UFSP2: variants seen among roughly 807,000 people sequenced by gnomAD.
The protein encoded by UFSP2 is UFM1 specific peptidase 2.
A neutral mutation model predicts 60.2 loss-of-function variants in UFSP2; 43 were observed. That is an observed-to-expected ratio of 0.71 (90% CI 0.56 to 0.92). The LOEUF is 0.92. UFSP2 is among the 40% of genes least tolerant of loss of function. UFSP2 has a pLI of 0.00. For synonymous variants in UFSP2, 183 were observed against 195.1 expected, an observed-to-expected ratio of 0.94 and a Z score of 0.52; for missense variants, 520 against 575.0, an observed-to-expected ratio of 0.90 and a Z score of 0.98.
chr4:185,415,885 A>AT lies in UFSP2; in HGVS notation c.334-19_334-18insA. ...ATTTGATGCTATATAGATAAACAGT[A>AT]ATAGTCAACTTGTAGTGCATTAAAC... On this transcript the variant is annotated intron_variant, in intron 4 of 11. Coordinates refer to ENST00000264689, the MANE Select transcript of UFSP2 (RefSeq NM_018359.5). 1 of 1,589,216 alleles carries AT rather than the reference A, an allele frequency of 6.3e-7. No homozygotes were observed. The highest frequency in any genetic ancestry group is 8.6e-7 in the Non-Finnish European group (1 of 1,165,580).
intron 9 of UFSP2, among the ~76,000 whole-genome samples, chr4:185,407,467 A>G (rs2095522544): frequency 6.6e-6 from 1 of 152,186 alleles, no homozygotes; most frequent in Non-Finnish European, 1.5e-5. Context: ...GGTTAAGATC[A>G]TTGGAAAAGA....
At chr4:185,409,973 C>T (rs1015777218) in intron 7 of UFSP2, among the ~76,000 whole-genome samples, 2 of 151,792 alleles carry the variant, frequency 1.3e-5, no homozygotes, top group African/African-American at 4.8e-5. Flanking sequence ...TGATGTCAGC[C>T]CAGTGATACT....
At chr4:185,425,137 T>C (rs2095557106) in intron 1 of UFSP2, among the ~76,000 whole-genome samples, 1 of 152,198 alleles carries the variant, frequency 6.6e-6, no homozygotes, top group African/African-American at 2.4e-5. Context: ...GACTTGATTA[T>C]TGACTGCATG....
chr4:185,403,640 A>G (rs751883581), intron 10 of UFSP2, 22 bp from the exon 11 acceptor site: 2 of 1,597,422 alleles, frequency 1.3e-6, no homozygotes, highest in Admixed American at 3.7e-5. Context: ...AAAATAGGAA[A>G]TACGAATGAA....
chr4:185,404,501 G>C lies in UFSP2; in HGVS notation c.1199-883C>G, dbSNP rs982588396. Among the ~76,000 whole-genome samples the C allele has an allele frequency of 5.9e-5, 9 of 151,822 alleles. 1 individual carries two copies. Among genetic ancestry groups the C allele is most frequent in the Admixed American group, 3.3e-4 (5 of 15,234 alleles). On this transcript the variant is annotated intron_variant, in intron 10 of 11. Coordinates refer to ENST00000264689, the MANE Select transcript of UFSP2 (RefSeq NM_018359.5). ...TTTTTAGTAGAGACGGGGTTTCACTGTTAGCCAGGATGGTCTCGATCTCCT... is the reference window on the plus strand; with the variant it reads ...TTTTTAGTAGAGACGGGGTTTCACTCTTAGCCAGGATGGTCTCGATCTCCT...
chr4:185,419,047 C>T (rs1663069055), intron 2 of UFSP2, among the ~76,000 whole-genome samples: 2 of 152,094 alleles, frequency 1.3e-5, no homozygotes, highest in Non-Finnish European at 2.9e-5. Flanking sequence ...TTCATCACTC[C>T]AAAAAGAAAC....
At chr4:185,424,577 G>A (rs73873447) in intron 1 of UFSP2, among the ~76,000 whole-genome samples, 12,900 of 152,150 alleles carry the variant, frequency 0.085, 959 homozygotes, top group African/African-American at 0.19. Context: ...TTAGCTTCAT[G>A]TTGTCCATTT....
Position 185,425,961 on chromosome 4 carries a change from G to A in UFSP2, c.-93C>T. On this transcript the variant is annotated 5_prime_UTR_variant, in exon 1 of 12. Coordinates refer to ENST00000264689, the MANE Select transcript of UFSP2 (RefSeq NM_018359.5). ...GGTGTCACCGCACGGCCCAGGGGCGGGGCCCGGGCGGACCAACTACAACTC... is the reference window on the plus strand; with the variant it reads ...GGTGTCACCGCACGGCCCAGGGGCGAGGCCCGGGCGGACCAACTACAACTC... 1 of 1,465,392 alleles carries A rather than the reference G, an allele frequency of 6.8e-7. No homozygotes were observed. The allele number at this position is 1,465,392 out of a possible 1,614,324, so 90.8% of individuals were successfully genotyped here.
rs747741609 is a variant in UFSP2 at position 185,399,759 on chromosome 4, GA to G, written c.*632del. ...TCGGAAGTGTAGAAAATACCAGTGG[GA>G]AAAGGAAGTGCTGGTAAGTAACTCA... On this transcript the variant is annotated 3_prime_UTR_variant, in exon 12 of 12. Transcript: ENST00000264689. The G allele has an allele frequency of 1.2e-6, 2 of 1,614,052 alleles. No homozygotes were observed. Among genetic ancestry groups the G allele is most frequent in the South Asian group, 2.2e-5 (2 of 91,060 alleles).
At chr4:185,405,469 T>C (rs576807031) in intron 10 of UFSP2, among the ~76,000 whole-genome samples, 6 of 152,226 alleles carry the variant, frequency 3.9e-5, no homozygotes, top group Non-Finnish European at 8.8e-5. Flanking sequence ...AGCCCAGTTA[T>C]GACAGAGTCA....
At chr4:185,402,057 A>G (rs1485634078) in intron 11 of UFSP2, among the ~76,000 whole-genome samples, 1 of 152,106 alleles carries the variant, frequency 6.6e-6, no homozygotes, top group East Asian at 1.9e-4. Flanking sequence ...CTGTTTCTAC[A>G]AGGCAGGGGC....
intron 4 of UFSP2, 107 bp from the exon 5 acceptor site, chr4:185,415,974 T>G: frequency 2.2e-6 from 2 of 919,462 alleles, no homozygotes; most frequent in Non-Finnish European, 3.1e-6. Context: ...GAAAAAAATT[T>G]AAGACTAGCC....
chr4:185,400,173 T>C lies in UFSP2; in HGVS notation c.*219A>G. 1.3e-6 allele frequency: 1 copy of C among 749,414 alleles called. No individual in the cohort carries two copies. The allele number at this position is 749,414 out of a possible 1,614,324, so 46.4% of individuals were successfully genotyped here. Reference sequence around the variant, plus strand: ...GAAGATCCATTTAAGAACACATGTATTTACATGCCTATAATATGCTGGTTG... The same window carrying C: ...GAAGATCCATTTAAGAACACATGTACTTACATGCCTATAATATGCTGGTTG... On this transcript the variant is annotated 3_prime_UTR_variant, in exon 12 of 12. Transcript: ENST00000264689.
At position 185,399,929 on chromosome 4, in the gene UFSP2, G is replaced by A. The variant is rs371939893; in HGVS notation, c.*463C>T. The A allele has an allele frequency of 1.4e-4, 212 of 1,554,638 alleles. 1 individual carries two copies. In the African/African-American group the frequency reaches 1.6e-3, roughly 11 times the overall value. ...CTGGTTATACTTACCAGAGTCTAGA[G>A]ACCAAAAATGGGACTGCATGGTGGA... is the stretch of plus-strand genomic sequence containing the variant. On this transcript the variant is annotated 3_prime_UTR_variant, in exon 12 of 12. Transcript: ENST00000264689.
At chr4:185,425,707 A>C (rs1296249887) in intron 1 of UFSP2, among the ~76,000 whole-genome samples, 159 bp downstream of exon 1, 3 of 152,164 alleles carry the variant, frequency 2.0e-5, no homozygotes, top group Non-Finnish European at 4.4e-5. Context: ...CCCAGCGCGG[A>C]GACAGGCGAA....
chr4:185,417,079 A>C (rs1487940407), intron 4 of UFSP2, among the ~76,000 whole-genome samples: 1 of 152,120 alleles, frequency 6.6e-6, no homozygotes, highest in Non-Finnish European at 1.5e-5. Flanking sequence ...ACTGGTGGAT[A>C]CCATCTTAAG....
chr4:185,402,611 GA>G (rs1368101859), intron 11 of UFSP2, among the ~76,000 whole-genome samples: 1 of 152,062 alleles, frequency 6.6e-6, no homozygotes, highest in African/African-American at 2.4e-5. Context: ...AAATAGCCAA[GA>G]TTATAGGCGC....
chr4:185,413,678 A>T (rs768525713), intron 7 of UFSP2, 48 bp downstream of exon 7: 2 of 1,549,034 alleles, frequency 1.3e-6, no homozygotes, highest in East Asian at 2.3e-5. Context: ...AAAACAACTA[A>T]TAACATTACT....
chr4:185,413,528 T>C (rs1283496193), intron 7 of UFSP2, among the ~76,000 whole-genome samples, 198 bp downstream of exon 7: 1 of 152,362 alleles, frequency 6.6e-6, no homozygotes, highest in African/African-American at 2.4e-5. Context: ...ATAAATGTGG[T>C]ATATCTACCT....
Sources: gnomAD v4.1 joint callset for allele counts (sites outside exome capture counted in the v4.1 genomes callset) on GRCh38, gnomAD v4.1.1 for gene constraint, MANE v1.5 for transcripts, NCBI Gene and HGNC (gene_info 2026-07-23, HGNC 2026-07-21) for gene names.